The following TGFBRAP1 variants were observed in gnomAD, a reference collection of about 807,000 sequenced individuals.
The protein encoded by TGFBRAP1 is transforming growth factor-beta receptor-associated protein 1.
Under a neutral mutation model 83.2 loss-of-function variants are expected in TGFBRAP1, and 20 were observed. That is an observed-to-expected ratio of 0.24 (90% CI 0.17 to 0.35). The LOEUF is 0.35. Ranked by LOEUF, TGFBRAP1 falls within the 10% of genes least tolerant of loss-of-function variation. TGFBRAP1 has a pLI of 1.00. For synonymous variants in TGFBRAP1, 415 were observed against 459.8 expected (o/e 0.90, Z 1.25); for missense variants, 950 against 1,099.4 (o/e 0.86, Z 1.92).
In TGFBRAP1 at chr2:105,266,197, G is replaced by A. The variant is rs1676926491; in HGVS notation, c.*1186C>T. On this transcript the variant is annotated 3_prime_UTR_variant, in exon 12 of 12. Transcript: ENST00000393359. ...TGTGTGTTCAGGACACCTCAGAGCA[G>A]GCACATAAAGTGCTGGAGGGTGACA... 6.6e-6 allele frequency: 1 copy of A among 152,242 alleles called. No individual in the cohort carries two copies. Among genetic ancestry groups the A allele is most frequent in the South Asian group, 2.1e-4 (1 of 4,836 alleles). The allele number at this position is 152,242 out of a possible 1,614,324, so 9.4% of individuals were successfully genotyped here.
the TGFBRAP1 span, among the ~76,000 whole-genome samples, chr2:105,257,423 C>G: frequency 6.6e-6 from 1 of 152,196 alleles, no homozygotes; most frequent in African/African-American, 2.4e-5. Flanking sequence ...TCCCCTTTCT[C>G]CCTTCCCAGC....
chr2:105,311,243 C>T (rs1678682941), intron 1 of TGFBRAP1, among the ~76,000 whole-genome samples: 1 of 137,950 alleles, frequency 7.2e-6, no homozygotes, highest in African/African-American at 2.6e-5. Flanking sequence ...GTTTCATTAT[C>T]TAGTAAACTG....
chr2:105,267,802 T>C (rs77686960), intron 11 of TGFBRAP1: 41,771 of 985,446 alleles, frequency 0.042, 1,051 homozygotes, highest in East Asian at 0.14. Context: ...TTGTTGCTTG[T>C]CTGGCTGAGG....
intron 10 of TGFBRAP1, 91 bp downstream of exon 10, chr2:105,272,764 A>G (rs775303442): frequency 2.1e-5 from 32 of 1,515,806 alleles, no homozygotes; most frequent in Non-Finnish European, 2.5e-5. Flanking sequence ...GCAATCAACC[A>G]GCAGCTGTGC....
intron 10 of TGFBRAP1, among the ~76,000 whole-genome samples, chr2:105,272,195 G>T (rs1033703990): frequency 7.2e-5 from 11 of 152,232 alleles, no homozygotes; most frequent in Non-Finnish European, 1.0e-4. Context: ...GCACCATGCT[G>T]CGCTGTGGAA....
chr2:105,251,128 T>A, the TGFBRAP1 span, among the ~76,000 whole-genome samples: 1 of 151,232 alleles, frequency 6.6e-6, no homozygotes, highest in Non-Finnish European at 1.5e-5. Context: ...GTCTGAGATG[T>A]GGGGAGCGCC....
At position 105,275,004 on chromosome 2, in the gene TGFBRAP1, C is replaced by A. The variant is rs144661036; in HGVS notation, c.1665+556G>T. ...CCTGAGCCTGCTACCTTCCCTCTAG[C>A]CAACAGGTGCTTTTTCACTGCCAGC... On this transcript the variant is annotated intron_variant, in intron 8 of 11. Transcript: ENST00000393359. Among the ~76,000 whole-genome samples the A allele has an allele frequency of 3.0e-3, 453 of 152,334 alleles. 1 individual carries two copies. The highest frequency in any genetic ancestry group is 0.011 in the African/African-American group (437 of 41,572).
At chr2:105,313,202 C>A (rs2104403198) in intron 1 of TGFBRAP1, among the ~76,000 whole-genome samples, 1 of 152,302 alleles carries the variant, frequency 6.6e-6, no homozygotes, top group South Asian at 2.1e-4. Context: ...CAATTCTGTT[C>A]TTTCCGGCTA....
intron 1 of TGFBRAP1, among the ~76,000 whole-genome samples, chr2:105,312,345 G>T (rs2104401884): frequency 6.6e-6 from 1 of 152,114 alleles, no homozygotes; most frequent in South Asian, 2.1e-4. Context: ...CACTTTAAAA[G>T]TATGATTATA....
chr2:105,280,707 C>T lies in TGFBRAP1; in HGVS notation c.1138G>A (p.Val380Ile), dbSNP rs1426047047. The T allele has an allele frequency of 1.2e-6, 2 of 1,613,026 alleles. No individual in the cohort carries two copies. The highest frequency in any genetic ancestry group is 1.1e-5 in the South Asian group (1 of 91,020). ...GGGTAGAGAGAGATCAGCTCCCGGA[C>T]ATCAAGCTGGCCGCTTCTGCAATTA... ...KELFRSGQLD[V>I]RELISLYPFL... The change falls in exon 6 of 12, where the codon GTC (valine) becomes ATC (isoleucine). Residue 380 changes from valine to isoleucine, a missense_variant. Physicochemically the swap from Val to Ile is conservative, Grantham distance 29. Transcript: ENST00000393359.
intron 4 of TGFBRAP1, among the ~76,000 whole-genome samples, chr2:105,285,338 G>A (rs967120643): frequency 6.6e-6 from 1 of 152,120 alleles, no homozygotes; most frequent in Non-Finnish European, 1.5e-5. Flanking sequence ...CCATTCAGTC[G>A]GTGCTTACTG....
At chr2:105,317,604 A>G (rs1678925251) in intron 1 of TGFBRAP1, among the ~76,000 whole-genome samples, 3 of 152,198 alleles carry the variant, frequency 2.0e-5, no homozygotes, top group Non-Finnish European at 4.4e-5. Flanking sequence ...CTAAAATAAG[A>G]TATAAAAAAG....
chr2:105,292,351 T>C (rs1008637653), intron 4 of TGFBRAP1, among the ~76,000 whole-genome samples: 16 of 152,096 alleles, frequency 1.1e-4, no homozygotes, highest in African/African-American at 3.9e-4. Flanking sequence ...AGCTGGGAAT[T>C]GAGGGCTATT....
chr2:105,327,120 G>C (rs1290029503), intron 1 of TGFBRAP1: 1 of 152,142 alleles, frequency 6.6e-6, no homozygotes, highest in Non-Finnish European at 1.5e-5. Flanking sequence ...TTCAGACCAA[G>C]ATGAAGACAC....
chr2:105,275,191 C>T (rs1377022852), intron 8 of TGFBRAP1, among the ~76,000 whole-genome samples: 1 of 152,332 alleles, frequency 6.6e-6, no homozygotes, highest in African/African-American at 2.4e-5. Flanking sequence ...TCAGGGCAAC[C>T]ACCTAATCCT....
chr2:105,284,508 T>TAAAA, intron 4 of TGFBRAP1, 110 bp from the exon 5 acceptor site: 1 of 981,534 alleles, frequency 1.0e-6, no homozygotes, highest in Non-Finnish European at 1.6e-6. Flanking sequence ...AATGTAAAAT[T>TAAAA]ACAAGCTGAG....
chr2:105,297,976 A>C (rs6735430), intron 3 of TGFBRAP1, among the ~76,000 whole-genome samples: 2 of 152,050 alleles, frequency 1.3e-5, no homozygotes, highest in African/African-American at 4.8e-5. Context: ...CAAGTGGCTC[A>C]CCATACACAC....
At chr2:105,273,236 G>A (rs114658784) in intron 9 of TGFBRAP1, among the ~76,000 whole-genome samples, 1,610 of 152,160 alleles carry the variant, frequency 0.011, 35 homozygotes, top group African/African-American at 0.037. Flanking sequence ...CAAGAAGTAA[G>A]GGCCACAGAA....
At chr2:105,263,099 C>T (rs1026940055), downstream of TGFBRAP1, among the ~76,000 whole-genome samples, 2 of 152,192 alleles carry the variant, frequency 1.3e-5, no homozygotes, top group African/African-American at 4.8e-5. Flanking sequence ...CATCAATTTA[C>T]ATACTCTCTC....
Sources: allele counts gnomAD v4.1 joint callset (sites outside exome capture counted in the v4.1 genomes callset), GRCh38; gene constraint gnomAD v4.1.1; transcripts MANE v1.5; gene names NCBI Gene and HGNC (gene_info 2026-07-23, HGNC 2026-07-21).